Variants in WDR37 observed in about 807,000 individuals in gnomAD.
WDR37 encodes WD repeat domain 37.
In WDR37, 19 loss-of-function variants were observed where a neutral mutation model predicts 62.9. The ratio of observed to expected loss-of-function variants is 0.30; its 90% CI spans 0.21 to 0.44. WDR37 has a LOEUF of 0.44. Ranked by LOEUF, WDR37 falls within the 20% of genes least tolerant of loss-of-function variation. WDR37 has a pLI of 1.00. For synonymous variants in WDR37, 250 were observed against 260.9 expected, an observed-to-expected ratio of 0.96 and a Z score of 0.40; for missense variants, 474 against 657.6, an observed-to-expected ratio of 0.72 and a Z score of 3.05.
rs775496930 is a variant in WDR37, at chr10:1,080,906, C to CA, written c.396+444dup. On this transcript the variant is annotated intron_variant, in intron 5 of 13. Coordinates refer to ENST00000263150, the MANE Select transcript of WDR37 (RefSeq NM_014023.4). ...GGGCAACAGAGCGAGATTCCGACTCCAAAAAAAAAAAAAAGAATGTCACTA... is the reference window on the plus strand; with the variant it reads ...GGGCAACAGAGCGAGATTCCGACTCCAAAAAAAAAAAAAAAGAATGTCACTA... Among the ~76,000 whole-genome samples, 160 of 122,676 alleles carry CA rather than the reference C, an allele frequency of 1.3e-3. 1 individual carries two copies. The highest frequency in any genetic ancestry group is 2.7e-3 in the African/African-American group (88 of 32,584). The allele number at this position is 122,676 out of a possible 152,430, so 80.5% of individuals were successfully genotyped here.
chr10:1,074,889 T>C (rs1478694976), intron 2 of WDR37, among the ~76,000 whole-genome samples: 2 of 152,252 alleles, frequency 1.3e-5, no homozygotes, highest in Non-Finnish European at 2.9e-5. Flanking sequence ...TGCCGAGAAC[T>C]GCGACGTCCA....
chr10:1,106,706 G>T (rs1472278350), intron 11 of WDR37, among the ~76,000 whole-genome samples: 1 of 152,082 alleles, frequency 6.6e-6, no homozygotes, highest in Non-Finnish European at 1.5e-5. Flanking sequence ...TAGTAGAGGT[G>T]GGGTTTCACC....
chr10:1,064,581 A>ATTTT (rs1445079662), intron 1 of WDR37, among the ~76,000 whole-genome samples: 2 of 98,842 alleles, frequency 2.0e-5, no homozygotes, highest in South Asian at 3.8e-4. Flanking sequence ...GTGACAATGG[A>ATTTT]TCTTTTTTTT....
At chr10:1,071,878 C>A (rs956776562) in intron 1 of WDR37, among the ~76,000 whole-genome samples, 1 of 151,860 alleles carries the variant, frequency 6.6e-6, no homozygotes, top group African/African-American at 2.4e-5. Flanking sequence ...AATTTTAAAC[C>A]TCTTTTTTGC....
chr10:1,067,426 A>G (rs1833587492), intron 1 of WDR37, among the ~76,000 whole-genome samples: 1 of 152,252 alleles, frequency 6.6e-6, no homozygotes, highest in Non-Finnish European at 1.5e-5. Flanking sequence ...GATGCATAGA[A>G]AAAATTATCA....
chr10:1,084,733 T>C (rs1188359983), intron 6 of WDR37, among the ~76,000 whole-genome samples, 195 bp downstream of exon 6: 1 of 152,212 alleles, frequency 6.6e-6, no homozygotes, highest in Non-Finnish European at 1.5e-5. Flanking sequence ...CGTGGTCTTG[T>C]GGGAGGGTGT....
chr10:1,106,225 A>G lies in WDR37; in HGVS notation c.1103+958A>G, dbSNP rs575802015. Among the ~76,000 whole-genome samples, 16 of 151,936 alleles carry G rather than the reference A, an allele frequency of 1.1e-4. No individual in the cohort carries two copies. In the South Asian group the frequency reaches 3.3e-3, roughly 32 times the overall value. On this transcript the variant is annotated intron_variant, in intron 11 of 13. Coordinates refer to ENST00000263150, the MANE Select transcript of WDR37 (RefSeq NM_014023.4). ...GAGTGTTCCCTGGTTCTTCTCTTTT[A>G]ATCTCTGTTCCCCGTTCCCCCATCA...
chr10:1,101,590 A>C (rs1834804052), intron 9 of WDR37, among the ~76,000 whole-genome samples: 2 of 152,100 alleles, frequency 1.3e-5, no homozygotes. Flanking sequence ...TTCCCTCCGC[A>C]GTTTGTTCAC....
intron 8 of WDR37, among the ~76,000 whole-genome samples, chr10:1,095,751 C>CTCATTGAAAGG (rs1834555163): frequency 6.6e-6 from 1 of 152,148 alleles, no homozygotes; most frequent in Non-Finnish European, 1.5e-5. Flanking sequence ...AGGTGCCTGG[C>CTCATTGAAAGG]CCATTGAAAG....
chr10:1,075,391 CACCT>C (rs2131619203), intron 2 of WDR37, among the ~76,000 whole-genome samples: 1 of 151,906 alleles, frequency 6.6e-6, no homozygotes, highest in South Asian at 2.1e-4. Context: ...ATCAACCTGT[CACCT>C]ACATAAGGCA....
chr10:1,062,017 T>G (rs12247779), intron 1 of WDR37, among the ~76,000 whole-genome samples: 16,277 of 151,226 alleles, frequency 0.11, 1,044 homozygotes, highest in African/African-American at 0.18. Context: ...TTTTTTTTTT[T>G]GGGGGGGCCA....
chr10:1,080,258 T>C, intron 4 of WDR37, 152 bp downstream of exon 4: 2 of 1,273,150 alleles, frequency 1.6e-6, no homozygotes, highest in Non-Finnish European at 2.2e-6. Context: ...AGGAGCTCGG[T>C]TCTTGTTCCT....
At chr10:1,060,264 C>T (rs1401765321) in intron 1 of WDR37, among the ~76,000 whole-genome samples, 3 of 152,070 alleles carry the variant, frequency 2.0e-5, no homozygotes, top group Non-Finnish European at 4.4e-5. Context: ...TGCATCACAG[C>T]TGTGTGCCTG....
intron 5 of WDR37, among the ~76,000 whole-genome samples, chr10:1,081,333 G>T (rs1390664121): frequency 6.6e-6 from 1 of 152,196 alleles, no homozygotes; most frequent in Non-Finnish European, 1.5e-5. Context: ...AATTTTGTAT[G>T]CATCTGTACT....
intron 13 of WDR37, among the ~76,000 whole-genome samples, chr10:1,126,245 A>G (rs1470898289): frequency 6.6e-6 from 1 of 151,984 alleles, no homozygotes; most frequent in Non-Finnish European, 1.5e-5. Flanking sequence ...CTCTAATAAA[A>G]ATACAAAAAA....
At chr10:1,124,458 C>A in intron 12 of WDR37, 106 bp downstream of exon 12, 3 of 1,502,414 alleles carry the variant, frequency 2.0e-6, no homozygotes, top group Non-Finnish European at 1.8e-6. Context: ...ACCCCGGGAA[C>A]AATGGTTTAG....
intron 3 of WDR37, among the ~76,000 whole-genome samples, chr10:1,079,609 A>G (rs1833968568): frequency 6.6e-6 from 1 of 150,680 alleles, no homozygotes; most frequent in Admixed American, 6.6e-5. Flanking sequence ...ATCTCGGCTC[A>G]CTGCAATCTC....
At chr10:1,060,467 A>G (rs960839013) in intron 1 of WDR37, among the ~76,000 whole-genome samples, 2 of 152,232 alleles carry the variant, frequency 1.3e-5, no homozygotes, top group African/African-American at 4.8e-5. Flanking sequence ...TGTTTTATTG[A>G]AAACCAGAAG....
chr10:1,080,277 A>G (rs989487297), intron 4 of WDR37, 135 bp from the exon 5 acceptor site: 3 of 1,283,378 alleles, frequency 2.3e-6, no homozygotes, highest in Middle Eastern at 2.0e-4. Context: ...CTGTTCTGCC[A>G]TGGCTCTGTG....
Sources: gnomAD v4.1 joint callset for allele counts (sites outside exome capture counted in the v4.1 genomes callset) on GRCh38, gnomAD v4.1.1 for gene constraint, MANE v1.5 for transcripts, NCBI Gene and HGNC (gene_info 2026-07-23, HGNC 2026-07-21) for gene names.